BLM: variants seen among roughly 807,000 people sequenced by gnomAD.
BLM encodes recQ-like DNA helicase BLM.
Under a neutral mutation model 135.3 loss-of-function variants are expected in BLM, and 95 were observed. The observed-to-expected ratio is 0.70, with a 90% CI of 0.59 to 0.83. BLM has a LOEUF of 0.83. BLM is among the 40% of genes least tolerant of loss of function. The probability of loss-of-function intolerance (pLI) is 0.00; values close to 1 mark genes in which losing one functional copy is unlikely to be tolerated. For synonymous variants in BLM, 520 were observed against 589.2 expected (o/e 0.88, Z 1.70); for missense variants, 1,518 against 1,663.9 (o/e 0.91, Z 1.53).
chr15:90,723,011 T>C (rs898908448), intron 1 of BLM, among the ~76,000 whole-genome samples: 2 of 152,176 alleles, frequency 1.3e-5, no homozygotes, highest in African/African-American at 4.8e-5. Flanking sequence ...TGGCTAATTT[T>C]TTCTATTTTT....
chr15:90,758,641 T>G (rs1895881935), intron 5 of BLM, among the ~76,000 whole-genome samples: 1 of 152,224 alleles, frequency 6.6e-6, no homozygotes, highest in South Asian at 2.1e-4. Flanking sequence ...TCTCCTCTCT[T>G]CTGTCCCATC....
At chr15:90,767,519 C>T (rs1263405424) in intron 10 of BLM, among the ~76,000 whole-genome samples, 1 of 152,164 alleles carries the variant, frequency 6.6e-6, no homozygotes, top group Non-Finnish European at 1.5e-5. Context: ...GAAGGCCAGT[C>T]GTTTTCGGAA....
intron 12 of BLM, among the ~76,000 whole-genome samples, chr15:90,774,387 T>C (rs1361135506): frequency 1.3e-5 from 2 of 152,014 alleles, no homozygotes. Flanking sequence ...CATCATTTTA[T>C]ATTACCTTCA....
chr15:90,718,337 C>A (rs887856765), intron 1 of BLM, among the ~76,000 whole-genome samples: 2 of 152,120 alleles, frequency 1.3e-5, no homozygotes, highest in African/African-American at 4.8e-5. Context: ...AAAGTATGTC[C>A]CACAACATTA....
chr15:90,760,215 A>G lies in BLM; in HGVS notation c.1156A>G (p.Ile386Val), dbSNP rs757636363. The change falls in exon 6 of 22, where the codon ATT becomes GTT. Residue 386 changes from isoleucine (I) to valine (V), a missense_variant. Physicochemically the swap from Ile to Val is conservative, Grantham distance 29. Coordinates refer to ENST00000355112, the MANE Select transcript of BLM (RefSeq NM_000057.4). The part of the protein sequence containing the change: ...MEHICKLIDT[I>V]PDDKLKLLDC... ...GCACATCTGTAAATTAATTGATACT[A>G]TTCCTGATGATAAACTGAAACTTTT... 83 of 1,613,728 alleles carry G rather than the reference A, an allele frequency of 5.1e-5. No homozygotes were observed. The highest frequency in any genetic ancestry group is 6.9e-5 in the Non-Finnish European group (81 of 1,179,786).
intron 12 of BLM, among the ~76,000 whole-genome samples, chr15:90,776,145 C>T (rs558474367): frequency 6.6e-5 from 10 of 152,252 alleles, no homozygotes; most frequent in Admixed American, 2.6e-4. Context: ...TGAATTCCTT[C>T]TGATGTATAT....
intron 17 of BLM, among the ~76,000 whole-genome samples, chr15:90,800,400 A>T (rs532856657): frequency 6.6e-6 from 1 of 152,254 alleles, no homozygotes; most frequent in East Asian, 1.9e-4. Flanking sequence ...AGTCAGGAGG[A>T]GGCTGGGCAC....
chr15:90,781,745 C>T lies in BLM; in HGVS notation c.2556-1077C>T, dbSNP rs1351121195. On this transcript the variant is annotated intron_variant, in intron 12 of 21. Transcript: ENST00000355112. Reference sequence around the variant, plus strand: ...TGTGTTGGACCACATTCAAAACCATCCTGGGCTGCATGTGGCCCGTGGGCT... The same window carrying T: ...TGTGTTGGACCACATTCAAAACCATTCTGGGCTGCATGTGGCCCGTGGGCT... Among the ~76,000 whole-genome samples the T allele has an allele frequency of 3.3e-5, 5 of 152,174 alleles. No individual in the cohort carries two copies. The East Asian group carries it at 9.6e-4, about 29-fold the overall frequency.
At chr15:90,773,127 G>A (rs1319829750) in intron 12 of BLM, among the ~76,000 whole-genome samples, 1 of 126,536 alleles carries the variant, frequency 7.9e-6, no homozygotes, top group Non-Finnish European at 1.7e-5. Flanking sequence ...AAAGATAAAA[G>A]CGTAGACAGC....
intron 1 of BLM, among the ~76,000 whole-genome samples, chr15:90,735,731 G>A (rs1895197279): frequency 1.3e-5 from 2 of 151,948 alleles, no homozygotes; most frequent in Non-Finnish European, 2.9e-5. Context: ...AGAATACATA[G>A]ATGAGTTTTC....
intron 1 of BLM, among the ~76,000 whole-genome samples, chr15:90,725,000 C>A (rs1437437072): frequency 6.6e-6 from 1 of 152,130 alleles, no homozygotes; most frequent in Non-Finnish European, 1.5e-5. Flanking sequence ...CCTCTACCAG[C>A]TGGGTTCAAG....
In BLM at chr15:90,804,342, C is replaced by G; in HGVS notation, c.3734C>G (p.Thr1245Ser). ...VHYFNIFNTV[T>S]LKKLAESLSS... ...TACTTCAATATTTTTAATACCGTCA[C>G]TCTCAAGAAGCTTGCAGGTGGGTAC... is the stretch of plus-strand genomic sequence containing the variant. The change falls in exon 19 of 22, where the codon ACT becomes AGT. Residue 1245 changes from threonine to serine, a missense_variant. By Grantham distance (58) the Thr-to-Ser change is moderately conservative. Transcript: ENST00000355112. 1 of 1,614,064 alleles carries G rather than the reference C, an allele frequency of 6.2e-7. No homozygotes were observed. The highest frequency in any genetic ancestry group is 8.5e-7 in the Non-Finnish European group (1 of 1,179,904).
At chr15:90,769,948 A>G (rs1250938153) in intron 12 of BLM, among the ~76,000 whole-genome samples, 1 of 152,086 alleles carries the variant, frequency 6.6e-6, no homozygotes, top group African/African-American at 2.4e-5. Context: ...TTACTTATCT[A>G]ATTTTGGCTT....
At chr15:90,766,679 C>T (rs1434531106) in intron 9 of BLM, among the ~76,000 whole-genome samples, 1 of 152,156 alleles carries the variant, frequency 6.6e-6, no homozygotes, top group East Asian at 1.9e-4. Flanking sequence ...CCACCTGCCT[C>T]AGCCTCCCAA....
intron 15 of BLM, among the ~76,000 whole-genome samples, chr15:90,793,013 C>CAA (rs1394374667): frequency 1.2e-5 from 1 of 86,598 alleles, no homozygotes; most frequent in Admixed American, 1.3e-4. Context: ...AGGCCGAGGC[C>CAA]AAAAAAAAAA....
intron 4 of BLM, among the ~76,000 whole-genome samples, 196 bp from the exon 5 acceptor site, chr15:90,754,615 G>A (rs1483949907): frequency 6.6e-6 from 1 of 152,192 alleles, no homozygotes; most frequent in Non-Finnish European, 1.5e-5. Context: ...CGGAGATAAT[G>A]TTGAAAAGGG....
intron 4 of BLM, among the ~76,000 whole-genome samples, chr15:90,753,711 AG>A (rs1210582220): frequency 2.6e-5 from 4 of 152,262 alleles, no homozygotes; most frequent in African/African-American, 9.6e-5. Flanking sequence ...TCTGAATTTC[AG>A]AAGTCAAGTG....
chr15:90,717,589 C>T (rs1273812551), intron 1 of BLM, 149 bp downstream of exon 1: 1 of 152,428 alleles, frequency 6.6e-6, no homozygotes, highest in African/African-American at 2.4e-5. Flanking sequence ...GGCCAACATC[C>T]TGGGAGGACA....
At chr15:90,761,614 G>A (rs894795945) in intron 7 of BLM, among the ~76,000 whole-genome samples, 1 of 152,182 alleles carries the variant, frequency 6.6e-6, no homozygotes, top group South Asian at 2.1e-4. Context: ...TGCTAAAAAT[G>A]TATTTTAGAA....
Sources: allele counts gnomAD v4.1 joint callset (sites outside exome capture counted in the v4.1 genomes callset), GRCh38; gene constraint gnomAD v4.1.1; transcripts MANE v1.5; gene names NCBI Gene and HGNC (gene_info 2026-07-23, HGNC 2026-07-21).